Variants in CSMD1 observed in about 807,000 individuals in gnomAD.
CSMD1 encodes CUB and Sushi multiple domains 1.
In CSMD1, 213 loss-of-function variants were observed where a neutral mutation model predicts 417.5. The ratio of observed to expected loss-of-function variants is 0.51; its 90% CI spans 0.46 to 0.57. CSMD1 has a LOEUF of 0.57. Ranked by LOEUF, CSMD1 falls within the 20% of genes least tolerant of loss-of-function variation. The pLI, the probability that CSMD1 is intolerant of heterozygous loss-of-function variation, is 0.00. For synonymous variants in CSMD1, 2,862 were observed against 1,736.8 expected (o/e 1.65, Z -16.11); for missense variants, 6,923 against 4,529.7 (o/e 1.53, Z -15.17).
intron 1 of CSMD1, among the ~76,000 whole-genome samples, chr8:4,648,710 C>T (rs1803691792): frequency 6.6e-6 from 1 of 152,110 alleles, no homozygotes; most frequent in Non-Finnish European, 1.5e-5. Context: ...TGTGCTTTTC[C>T]TCAGTGTCTT....
At chr8:3,942,525 G>A (rs542553776) in intron 5 of CSMD1, among the ~76,000 whole-genome samples, 1 of 152,122 alleles carries the variant, frequency 6.6e-6, no homozygotes, top group Non-Finnish European at 1.5e-5. Context: ...CTCAACCCAG[G>A]AGGACACCGG....
intron 28 of CSMD1, among the ~76,000 whole-genome samples, chr8:3,223,379 G>C (rs73660616): frequency 0.061 from 9,321 of 152,178 alleles, 350 homozygotes; most frequent in East Asian, 0.16. Context: ...TTCACTATCA[G>C]GCATTTAGAG....
intron 3 of CSMD1, among the ~76,000 whole-genome samples, chr8:4,201,495 G>C (rs1799643439): frequency 8.4e-6 from 1 of 118,612 alleles, no homozygotes; most frequent in Non-Finnish European, 1.6e-5. Flanking sequence ...CCGACATAGC[G>C]CCACTGCCGT....
chr8:3,984,704 CATATATATATATATATATAT>C (rs59669026), intron 5 of CSMD1, among the ~76,000 whole-genome samples: 8,757 of 82,772 alleles, frequency 0.11, 545 homozygotes, highest in East Asian at 0.17. Flanking sequence ...GTGTATATAT[CATATATATATATATATATAT>C]ATATATATAT....
chr8:3,568,408 T>C (rs536306101), intron 10 of CSMD1, among the ~76,000 whole-genome samples: 1 of 152,244 alleles, frequency 6.6e-6, no homozygotes, highest in East Asian at 1.9e-4. Flanking sequence ...TCAATAAAGC[T>C]GGAAACAAAG....
chr8:4,379,140 G>A (rs1237568715), intron 3 of CSMD1, among the ~76,000 whole-genome samples: 2 of 152,156 alleles, frequency 1.3e-5, no homozygotes, highest in African/African-American at 4.8e-5. Flanking sequence ...AGATATATCA[G>A]CCCCTGTAAT....
intron 5 of CSMD1, among the ~76,000 whole-genome samples, chr8:3,763,687 G>A (rs537094667): frequency 6.6e-6 from 1 of 152,130 alleles, no homozygotes; most frequent in Non-Finnish European, 1.5e-5. Context: ...AAGTGCCTTT[G>A]TGGCTAAACA....
chr8:2,953,666 G>C (rs1158511058), intron 65 of CSMD1, among the ~76,000 whole-genome samples: 1 of 152,120 alleles, frequency 6.6e-6, no homozygotes, highest in Non-Finnish European at 1.5e-5. Context: ...AACTTTCCTT[G>C]GGAAATAGGA....
chr8:2,959,664 C>T (rs1803292220), intron 62 of CSMD1, among the ~76,000 whole-genome samples: 1 of 152,056 alleles, frequency 6.6e-6, no homozygotes. Flanking sequence ...GGGAGGTAGT[C>T]ATTTAAGCTG....
intron 48 of CSMD1, among the ~76,000 whole-genome samples, chr8:3,089,033 C>T (rs1814738754): frequency 6.6e-6 from 1 of 152,110 alleles, no homozygotes; most frequent in South Asian, 2.1e-4. Flanking sequence ...CTCAACATAC[C>T]TCTTCTTTCC....
At chr8:4,280,797 T>C (rs576092058) in intron 3 of CSMD1, among the ~76,000 whole-genome samples, 6 of 152,224 alleles carry the variant, frequency 3.9e-5, no homozygotes, top group African/African-American at 9.6e-5. Flanking sequence ...TTTGAACGTA[T>C]GTTAAAATTT....
intron 1 of CSMD1, among the ~76,000 whole-genome samples, chr8:4,774,761 G>C (rs560959698): frequency 2.6e-5 from 4 of 152,206 alleles, no homozygotes; most frequent in Non-Finnish European, 5.9e-5. Context: ...CTTCCCAGGA[G>C]ACCTTGTTGT....
chr8:3,059,889 T>G (rs1812478043), intron 49 of CSMD1, among the ~76,000 whole-genome samples: 1 of 152,070 alleles, frequency 6.6e-6, no homozygotes, highest in Non-Finnish European at 1.5e-5. Flanking sequence ...GGGATTCACT[T>G]CAGGGCAAGT....
intron 3 of CSMD1, among the ~76,000 whole-genome samples, chr8:4,109,465 T>C (rs1286778052): frequency 6.6e-6 from 1 of 152,184 alleles, no homozygotes; most frequent in African/African-American, 2.4e-5. Flanking sequence ...CCACTAAATA[T>C]GTAACCCTAC....
chr8:3,951,255 C>G (rs890347500), intron 5 of CSMD1, among the ~76,000 whole-genome samples: 10 of 152,230 alleles, frequency 6.6e-5, no homozygotes, highest in Middle Eastern at 3.4e-3. Flanking sequence ...GTGACTGAGG[C>G]CAGAGTGGAT....
chr8:4,566,721 C>T (rs1034847294), intron 2 of CSMD1, among the ~76,000 whole-genome samples: 2 of 137,642 alleles, frequency 1.5e-5, no homozygotes, highest in Non-Finnish European at 3.1e-5. Context: ...TATATACAAA[C>T]AGTTTCAAAT....
chr8:4,135,148 T>A (rs1275232076), intron 3 of CSMD1, among the ~76,000 whole-genome samples: 3 of 152,200 alleles, frequency 2.0e-5, no homozygotes, highest in Non-Finnish European at 2.9e-5. Context: ...TGTCATATTC[T>A]GGTACAATCA....
intron 3 of CSMD1, among the ~76,000 whole-genome samples, chr8:4,404,494 C>T (rs1222188306): frequency 1.3e-5 from 2 of 152,038 alleles, no homozygotes; most frequent in East Asian, 1.9e-4. Flanking sequence ...TTGAGTGATA[C>T]AAAGATGAGC....
chr8:4,019,914 TAA>T (rs144493389), intron 4 of CSMD1, among the ~76,000 whole-genome samples: 40,223 of 144,106 alleles, frequency 0.28, 5,753 homozygotes, highest in African/African-American at 0.37. Flanking sequence ...AGTAATTCAT[TAA>T]AAAAAAAAAA....
Sources: gnomAD v4.1 joint callset for allele counts (sites outside exome capture counted in the v4.1 genomes callset) on GRCh38, gnomAD v4.1.1 for gene constraint, MANE v1.5 for transcripts, NCBI Gene and HGNC (gene_info 2026-07-23, HGNC 2026-07-21) for gene names.